The following ARHGAP28 variants were observed in gnomAD, a reference collection of about 807,000 sequenced individuals.
The protein encoded by ARHGAP28 is rho GTPase-activating protein 28.
In ARHGAP28, 56 loss-of-function variants were observed where a neutral mutation model predicts 90.7. The observed-to-expected ratio is 0.62, with a 90% CI of 0.50 to 0.77. The LOEUF (loss-of-function observed/expected upper bound fraction) is 0.77. Ranked by LOEUF, ARHGAP28 falls within the 30% of genes least tolerant of loss-of-function variation. The probability of loss-of-function intolerance (pLI) is 0.00; values close to 1 mark genes in which losing one functional copy is unlikely to be tolerated. For synonymous variants in ARHGAP28, 308 were observed against 323.3 expected, an observed-to-expected ratio of 0.95 and a Z score of 0.51; for missense variants, 869 against 900.9, an observed-to-expected ratio of 0.96 and a Z score of 0.45.
chr18:6,822,604 G>A (rs11081274), intron 1 of ARHGAP28, among the ~76,000 whole-genome samples: 17,578 of 152,086 alleles, frequency 0.12, 1,567 homozygotes, highest in African/African-American at 0.25. Flanking sequence ...CCGGTTATCA[G>A]ACAAAACTAG....
intron 1 of ARHGAP28, chr18:6,791,542 G>A (rs1425788248): frequency 1.3e-5 from 2 of 152,186 alleles, no homozygotes; most frequent in African/African-American, 4.8e-5. Context: ...GACTAAAACT[G>A]ACTGAACACA....
At chr18:6,859,661 T>C in intron 4 of ARHGAP28, 147 bp from the exon 5 acceptor site, 1 of 774,438 alleles carries the variant, frequency 1.3e-6, no homozygotes, top group Non-Finnish European at 2.1e-6. Flanking sequence ...AGTGCTGCAC[T>C]ACCAGTTGGA....
rs1447572972 is a variant in ARHGAP28, at chr18:6,824,991, G to A, written c.325+27G>A. On this transcript the variant is annotated intron_variant, in intron 2 of 17. Coordinates refer to ENST00000383472, the MANE Select transcript of ARHGAP28 (RefSeq NM_001366230.1). ...TAAGTTGCTGGATTTGTCTTCCTAT[G>A]TGCTGACTGGCTTTCTTTCTCTGCC... is the stretch of plus-strand genomic sequence containing the variant. 7 of 1,504,910 alleles carry A rather than the reference G, an allele frequency of 4.7e-6. No homozygotes were observed. The East Asian group carries it at 1.7e-4, about 37-fold the overall frequency. 93.2% of individuals were successfully genotyped at this position (1,504,910 alleles called of 1,614,324 possible).
At position 6,871,089 on chromosome 18, in the gene ARHGAP28, C is replaced by T. The variant is rs989009525; in HGVS notation, c.954+357C>T. On this transcript the variant is annotated intron_variant, in intron 7 of 17. Transcript: ENST00000383472. Reference sequence around the variant, plus strand: ...TGCTGGGATTACAGGTGTGAGCCGCCGTGCATGGCCAAGATTTCTTTTTTT... The same window carrying T: ...TGCTGGGATTACAGGTGTGAGCCGCTGTGCATGGCCAAGATTTCTTTTTTT... 7.9e-5 allele frequency among the ~76,000 whole-genome samples: 12 copies of T among 152,304 alleles called. No individual in the cohort carries two copies. In the South Asian group the frequency reaches 8.3e-4, roughly 11 times the overall value.
chr18:6,888,499 G>A (rs1232873469), intron 12 of ARHGAP28, among the ~76,000 whole-genome samples: 21 of 151,830 alleles, frequency 1.4e-4, no homozygotes, highest in Admixed American at 1.2e-3. Context: ...AATATATGTC[G>A]GTCATATTAG....
intron 11 of ARHGAP28, among the ~76,000 whole-genome samples, chr18:6,885,606 G>C (rs2057214182): frequency 6.6e-6 from 1 of 152,136 alleles, no homozygotes; most frequent in African/African-American, 2.4e-5. Flanking sequence ...TTGTGACGGG[G>C]ATGTATTAAA....
Position 6,912,225 on chromosome 18 carries a change from A to C in ARHGAP28, c.*71A>C. On this transcript the variant is annotated 3_prime_UTR_variant, in exon 18 of 18. Transcript: ENST00000383472. Reference sequence around the variant, plus strand: ...TCCTACATTTTGGTAGGGAAAAAACAACACTGTGTTTGACGTATTTGTTCC... The same window carrying C: ...TCCTACATTTTGGTAGGGAAAAAACCACACTGTGTTTGACGTATTTGTTCC... 1.1e-6 allele frequency: 1 copy of C among 881,280 alleles called. No homozygotes were observed. The highest frequency in any genetic ancestry group is 1.8e-6 in the Non-Finnish European group (1 of 567,520). 54.6% of individuals were successfully genotyped at this position (881,280 alleles called of 1,614,324 possible).
At chr18:6,881,345 T>C in intron 10 of ARHGAP28, among the ~76,000 whole-genome samples, 1 of 152,220 alleles carries the variant, frequency 6.6e-6, no homozygotes, top group East Asian at 1.9e-4. Flanking sequence ...TAGTGTCAGC[T>C]GGGAGACTGA....
intron 2 of ARHGAP28, among the ~76,000 whole-genome samples, chr18:6,826,173 C>G (rs2056661557): frequency 6.8e-6 from 1 of 147,914 alleles, no homozygotes; most frequent in African/African-American, 2.5e-5. Flanking sequence ...GCCATTCTGA[C>G]TGGTGTGAGA....
At chr18:6,833,444 CTT>C (rs2056730614) in intron 2 of ARHGAP28, among the ~76,000 whole-genome samples, 1 of 151,896 alleles carries the variant, frequency 6.6e-6, no homozygotes, top group African/African-American at 2.4e-5. Context: ...CTCTCTCTCT[CTT>C]TCTCTCTCTC....
rs1011265232 is a variant in ARHGAP28 at position 6,913,526 on chromosome 18, A to T, written c.*1372A>T. On this transcript the variant is annotated 3_prime_UTR_variant, in exon 18 of 18. Transcript: ENST00000383472. ...TCTCTTAACAATTCAAGCAGTAGAC[A>T]AAGTTGCTCACAAATACAGAAAACA... 1 of 152,186 alleles carries T rather than the reference A, an allele frequency of 6.6e-6. No individual in the cohort carries two copies. Among genetic ancestry groups the T allele is most frequent in the Non-Finnish European group, 1.5e-5 (1 of 68,028 alleles). The allele number at this position is 152,186 out of a possible 1,614,324, so 9.4% of individuals were successfully genotyped here.
chr18:6,758,231 T>G (rs1368919830), intron 1 of ARHGAP28, among the ~76,000 whole-genome samples: 1 of 152,106 alleles, frequency 6.6e-6, no homozygotes, highest in Non-Finnish European at 1.5e-5. Context: ...AGATGAGCAA[T>G]GGGTGAGGGG....
intron 1 of ARHGAP28, among the ~76,000 whole-genome samples, chr18:6,792,820 A>G (rs2056415739): frequency 6.6e-6 from 1 of 152,184 alleles, no homozygotes; most frequent in Non-Finnish European, 1.5e-5. Flanking sequence ...TCAGAACTAT[A>G]GGTTCTTAGG....
chr18:6,852,592 A>C (rs1268103537), intron 4 of ARHGAP28, among the ~76,000 whole-genome samples: 1 of 152,108 alleles, frequency 6.6e-6, no homozygotes, highest in Non-Finnish European at 1.5e-5. Flanking sequence ...ATTAATGGGG[A>C]GTTTACCAAG....
chr18:6,800,789 C>T (rs1479801155), intron 1 of ARHGAP28, among the ~76,000 whole-genome samples: 1 of 152,144 alleles, frequency 6.6e-6, no homozygotes, highest in Non-Finnish European at 1.5e-5. Context: ...AGCAAACCAC[C>T]ATGGCACGTG....
At chr18:6,755,851 TAAATC>T (rs1460789782) in intron 1 of ARHGAP28, among the ~76,000 whole-genome samples, 1 of 152,200 alleles carries the variant, frequency 6.6e-6, no homozygotes, top group Non-Finnish European at 1.5e-5. Context: ...AAATATCAAT[TAAATC>T]AATATATAGG....
In ARHGAP28 at chr18:6,851,037, C is replaced by T. The variant is rs201939659; in HGVS notation, c.547C>T (p.Arg183Cys). 8 of 1,613,964 alleles carry T rather than the reference C, an allele frequency of 5.0e-6. No individual in the cohort carries two copies. The highest frequency in any genetic ancestry group is 1.6e-4 in the Middle Eastern group (1 of 6,062). Residue 183 changes from arginine to cysteine, a missense_variant, in exon 4 of 18, where the codon CGT (arginine) becomes TGT (cysteine). Physicochemically the swap from Arg to Cys is radical, Grantham distance 180 (BLOSUM62 -3). Coordinates refer to ENST00000383472, the MANE Select transcript of ARHGAP28 (RefSeq NM_001366230.1). ...TGGCTTTCATTTCTTCCGTTAGCCTCGTGATACCTGTGGCAACCACACTAA... is the reference window on the plus strand; with the variant it reads ...TGGCTTTCATTTCTTCCGTTAGCCTTGTGATACCTGTGGCAACCACACTAA... ...DIFGVSESPP[R>C]DTCGNHTNQL...
chr18:6,841,224 C>A (rs866459458), intron 3 of ARHGAP28, among the ~76,000 whole-genome samples: 1 of 112,570 alleles, frequency 8.9e-6, no homozygotes, highest in Non-Finnish European at 1.8e-5. Flanking sequence ...TCTCTCTCTC[C>A]CCCCAACCCG....
chr18:6,778,870 G>A (rs981332223), intron 1 of ARHGAP28: 4 of 152,092 alleles, frequency 2.6e-5, no homozygotes, highest in African/African-American at 4.8e-5. Flanking sequence ...AGGGAATATC[G>A]GGCTATCACA....
Sources: allele counts gnomAD v4.1 joint callset (sites outside exome capture counted in the v4.1 genomes callset), GRCh38; gene constraint gnomAD v4.1.1; transcripts MANE v1.5; gene names NCBI Gene and HGNC (gene_info 2026-07-23, HGNC 2026-07-21).